CX3CL1: variants seen among roughly 807,000 people sequenced by gnomAD.
The protein encoded by CX3CL1 is fractalkine.
CX3CL1 carries 1 observed loss-of-function variant against 14.1 expected under a neutral mutation model. That is an observed-to-expected ratio of 0.07 (90% CI 0.03 to 0.34). The LOEUF (loss-of-function observed/expected upper bound fraction) is 0.34, where lower values mean the gene tolerates loss of function less well. Ranked by LOEUF, CX3CL1 falls within the 10% of genes least tolerant of loss-of-function variation. The pLI is 0.99. For missense variants in CX3CL1, 505 were observed against 536.4 expected, an observed-to-expected ratio of 0.94 and a Z score of 0.58; for synonymous variants, 255 against 229.6, an observed-to-expected ratio of 1.11 and a Z score of -1.00.
At chr16:57,372,677 GC>G (rs1426671572) in intron 1 of CX3CL1, 39 bp downstream of exon 1, 6 of 1,602,714 alleles carry the variant, frequency 3.7e-6, no homozygotes, top group African/African-American at 1.3e-5. Context: ...AGGGTAGGGA[GC>G]CCCCAGCCCC....
chr16:57,372,539 C>A lies in CX3CL1; in HGVS notation c.-30C>A. On this transcript the variant is annotated 5_prime_UTR_variant, in exon 1 of 3. Coordinates refer to ENST00000006053, the MANE Select transcript of CX3CL1 (RefSeq NM_002996.6). ...GCCTGGCTCTAGCCGCCTGCCTGGC[C>A]CCCGCCGGGACTCTTGCCCACCCTC... 3.1e-6 allele frequency: 5 copies of A among 1,606,708 alleles called. No homozygotes were observed. The highest frequency in any genetic ancestry group is 4.2e-6 in the Non-Finnish European group (5 of 1,178,262).
Position 57,384,474 on chromosome 16 carries a change from G to T in CX3CL1, c.*1442G>T, listed in dbSNP as rs1416993337. ...TGGATGGGGCTGCACCGGCTGGCCT[G>T]GCCCCTCAGGGTCCCTGGTGGCAGC... On this transcript the variant is annotated 3_prime_UTR_variant, in exon 3 of 3. Coordinates refer to ENST00000006053, the MANE Select transcript of CX3CL1 (RefSeq NM_002996.6). 1 of 152,416 alleles carries T rather than the reference G, an allele frequency of 6.6e-6. No individual in the cohort carries two copies. The highest frequency in any genetic ancestry group is 2.1e-4 in the South Asian group (1 of 4,830). The allele number at this position is 152,416 out of a possible 1,614,324, so 9.4% of individuals were successfully genotyped here.
At chr16:57,372,710 C>A in intron 1 of CX3CL1, 72 bp downstream of exon 1, 2 of 1,529,642 alleles carry the variant, frequency 1.3e-6, no homozygotes, top group Non-Finnish European at 1.8e-6. Context: ...TCAAGCCTGA[C>A]ATCAGGGGCC....
intron 1 of CX3CL1, among the ~76,000 whole-genome samples, chr16:57,375,314 G>T (rs1902232354): frequency 6.6e-6 from 1 of 152,132 alleles, no homozygotes; most frequent in Non-Finnish European, 1.5e-5. Context: ...GGTCCTCAGT[G>T]AGTAATTTTG....
At chr16:57,373,763 T>C (rs1466001889) in intron 1 of CX3CL1, among the ~76,000 whole-genome samples, 1 of 152,184 alleles carries the variant, frequency 6.6e-6, no homozygotes, top group Non-Finnish European at 1.5e-5. Context: ...GGGAGTCAGA[T>C]GGCGGCTGCT....
Position 57,382,039 on chromosome 16 carries a change from G to A in CX3CL1, c.201G>A (p.Thr67=), listed in dbSNP as rs761075399. The part of the protein sequence containing the change: ...SCGKRAIILE[T]RQHRLFCADP... ...TCTTCCTCCCTTGTAGCTTGGAGAC[G>A]AGACAGCACAGGCTGTTCTGTGCCG... The change falls in exon 3 of 3, where the codon ACG becomes ACA. Residue 67 remains threonine, a synonymous_variant. Transcript: ENST00000006053. The surrounding 1 kb of genome is among the most constrained non-coding windows in gnomAD (Gnocchi z 6.9). The A allele has an allele frequency of 3.0e-5, 48 of 1,578,174 alleles. 1 individual carries two copies. The South Asian group carries it at 5.1e-4, about 17-fold the overall frequency.
chr16:57,382,487 G>C lies in CX3CL1; in HGVS notation c.649G>C (p.Glu217Gln), dbSNP rs775251636. The change falls in exon 3 of 3, where the codon GAG becomes CAG. Residue 217 changes from glutamate to glutamine, a missense_variant. Physicochemically the swap from Glu to Gln is conservative, Grantham distance 29. Coordinates refer to ENST00000006053, the MANE Select transcript of CX3CL1 (RefSeq NM_002996.6). The surrounding 1 kb of genome is among the most constrained non-coding windows in gnomAD (Gnocchi z 6.9). ...CCTCTGGGCTGAGGCAAAGACCTCT[G>C]AGGCCCCGTCCACCCAGGACCCCTC... ...PSLWAEAKTSEAPSTQDPSTQ... is the reference protein window; with the variant it reads ...PSLWAEAKTSQAPSTQDPSTQ... 1.2e-5 allele frequency: 20 copies of C among 1,612,582 alleles called. No individual in the cohort carries two copies. Among genetic ancestry groups the C allele is most frequent in the Non-Finnish European group, 1.7e-5 (20 of 1,179,734 alleles).
In CX3CL1 at chr16:57,375,138, T is replaced by TAA. The variant is rs572966437; in HGVS notation, c.70+2513_70+2514dup. Among the ~76,000 whole-genome samples the TAA allele has an allele frequency of 2.4e-3, 231 of 95,300 alleles. 2 individuals are homozygous for TAA. Among genetic ancestry groups the TAA allele is most frequent in the African/African-American group, 5.8e-3 (200 of 34,652 alleles). The allele number at this position is 95,300 out of a possible 152,430, so 62.5% of individuals were successfully genotyped here. A position where few individuals can be genotyped will look rare whatever the true frequency, so the allele number is the denominator to read the frequency against. Reference sequence around the variant, plus strand: ...CTGGGTGACAGAGTGAGAGTCCATTTAAAAAAAAAAAAAAGAAAGAAAAGA... The same window carrying TAA: ...CTGGGTGACAGAGTGAGAGTCCATTTAAAAAAAAAAAAAAAAGAAAGAAAAGA... On this transcript the variant is annotated intron_variant, in intron 1 of 2. Coordinates refer to ENST00000006053, the MANE Select transcript of CX3CL1 (RefSeq NM_002996.6).
At chr16:57,377,513 A>G (rs1409198052) in intron 1 of CX3CL1, 2 of 152,172 alleles carry the variant, frequency 1.3e-5, no homozygotes, top group African/African-American at 4.8e-5. Flanking sequence ...CCTTCCCACA[A>G]AGCAGGGTGG....
Position 57,382,642 on chromosome 16 carries a change from G to T in CX3CL1, c.804G>T (p.Val268=). 6.2e-7 allele frequency: 1 copy of T among 1,613,624 alleles called. No individual in the cohort carries two copies. Residue 268 remains valine, a synonymous_variant, in exon 3 of 3, where the codon GTG becomes GTT. Coordinates refer to ENST00000006053, the MANE Select transcript of CX3CL1 (RefSeq NM_002996.6). The surrounding 1 kb of genome is among the most constrained non-coding windows in gnomAD (Gnocchi z 6.9). ...TGGAGCGGGAGGAGATGGGTCCCGT[G>T]CCAGCGCACACGGATGCCTTCCAGG... The part of the protein sequence containing the change: ...NSLEREEMGP[V]PAHTDAFQDW...
chr16:57,372,514 G>C lies in CX3CL1; in HGVS notation c.-55G>C. The C allele has an allele frequency of 1.9e-6, 3 of 1,554,378 alleles. No homozygotes were observed. The highest frequency in any genetic ancestry group is 1.8e-6 in the Non-Finnish European group (2 of 1,135,532). On this transcript the variant is annotated 5_prime_UTR_variant, in exon 1 of 3. Coordinates refer to ENST00000006053, the MANE Select transcript of CX3CL1 (RefSeq NM_002996.6). Reference sequence around the variant, plus strand: ...CAAGGGGACAGCACTGAGCTCTGCCGCCTGGCTCTAGCCGCCTGCCTGGCC... The same window carrying C: ...CAAGGGGACAGCACTGAGCTCTGCCCCCTGGCTCTAGCCGCCTGCCTGGCC...
chr16:57,375,433 A>G (rs1902234013), intron 1 of CX3CL1, among the ~76,000 whole-genome samples: 1 of 152,182 alleles, frequency 6.6e-6, no homozygotes, highest in African/African-American at 2.4e-5. Flanking sequence ...TAGAGGCCAG[A>G]GATGCTGCCA....
At position 57,379,653 on chromosome 16, in the gene CX3CL1, G is replaced by A. The variant is rs186406126; in HGVS notation, c.90G>A (p.Thr30=). The A allele has an allele frequency of 1.3e-5, 21 of 1,614,214 alleles. No homozygotes were observed. In the East Asian group the frequency reaches 2.5e-4, roughly 19 times the overall value. ...VLLAGQHHGV[T]KCNITCSKMT... The stretch of plus-strand genomic sequence containing the variant: ...ACTCAGGACAGCACCACGGTGTGAC[G>A]AAATGCAACATCACGTGCAGCAAGA... The change falls in exon 2 of 3, where the codon ACG becomes ACA. Residue 30 remains threonine (T), a synonymous_variant. Transcript: ENST00000006053.
intron 1 of CX3CL1, 195 bp from the exon 2 acceptor site, chr16:57,379,439 C>G: frequency 1.8e-6 from 1 of 565,724 alleles, no homozygotes; most frequent in South Asian, 2.6e-5. Flanking sequence ...TATTTTTGTT[C>G]CTATTTTACA....
At chr16:57,372,670 G>A (rs1164450552) in intron 1 of CX3CL1, 32 bp downstream of exon 1, 4 of 1,609,412 alleles carry the variant, frequency 2.5e-6, no homozygotes, top group African/African-American at 2.7e-5. Flanking sequence ...CACAAACAGG[G>A]TAGGGAGCCC....
At position 57,374,507 on chromosome 16, in the gene CX3CL1, T is replaced by G. The variant is rs547760204; in HGVS notation, c.70+1869T>G. 4.9e-4 allele frequency among the ~76,000 whole-genome samples: 75 copies of G among 151,898 alleles called. 1 individual carries two copies. The highest frequency in any genetic ancestry group is 1.1e-3 in the Non-Finnish European group (72 of 67,926). On this transcript the variant is annotated intron_variant, in intron 1 of 2. Coordinates refer to ENST00000006053, the MANE Select transcript of CX3CL1 (RefSeq NM_002996.6). ...TATAGCCTACCCGCCTCATTAGCAG[T>G]GGGGGTGGATGGGGAGGGCATGGGA... is the stretch of plus-strand genomic sequence containing the variant.
intron 1 of CX3CL1, among the ~76,000 whole-genome samples, chr16:57,373,432 G>A (rs1891786098): frequency 6.6e-6 from 1 of 152,216 alleles, no homozygotes; most frequent in African/African-American, 2.4e-5. Flanking sequence ...GAATGCAGGA[G>A]AGAGCACAGA....
chr16:57,378,568 A>G (rs1902275562), intron 1 of CX3CL1: 1 of 151,872 alleles, frequency 6.6e-6, no homozygotes, highest in East Asian at 1.9e-4. Flanking sequence ...GATTCAAGCA[A>G]TTCTCCTGTC....
At position 57,383,715 on chromosome 16, in the gene CX3CL1, C is replaced by T. The variant is rs532551897; in HGVS notation, c.*683C>T. ...GGCTGGGTTCTGATCCTAGTTCCAC[C>T]ATCAAGCCACCAACATACTCCCATC... On this transcript the variant is annotated 3_prime_UTR_variant, in exon 3 of 3. Coordinates refer to ENST00000006053, the MANE Select transcript of CX3CL1 (RefSeq NM_002996.6). 2 of 152,872 alleles carry T rather than the reference C, an allele frequency of 1.3e-5. No individual in the cohort carries two copies. The highest frequency in any genetic ancestry group is 2.9e-5 in the Non-Finnish European group (2 of 68,306). 9.5% of individuals were successfully genotyped at this position (152,872 alleles called of 1,614,324 possible).
Sources: allele counts gnomAD v4.1 joint callset (sites outside exome capture counted in the v4.1 genomes callset), GRCh38; gene constraint gnomAD v4.1.1; non-coding constraint Gnocchi (gnomAD v3.1); transcripts MANE v1.5; gene names NCBI Gene and HGNC (gene_info 2026-07-23, HGNC 2026-07-21).